Variants in ZFHX4 observed in about 807,000 individuals in gnomAD.
ZFHX4 encodes zinc finger homeobox protein 4.
ZFHX4 carries 56 observed loss-of-function variants against 267.6 expected under a neutral mutation model. The ratio of observed to expected loss-of-function variants is 0.21; its 90% CI spans 0.17 to 0.26. ZFHX4 has a LOEUF of 0.26. ZFHX4 is among the 10% of genes least tolerant of loss of function. The pLI, the probability that ZFHX4 is intolerant of heterozygous loss-of-function variation, is 1.00. For synonymous variants in ZFHX4, 1,778 were observed against 1,665.6 expected (o/e 1.07, Z -1.64); for missense variants, 4,332 against 4,420.0 (o/e 0.98, Z 0.56).
At chr8:76,740,208 G>C (rs1288241507) in intron 3 of ZFHX4, among the ~76,000 whole-genome samples, 1 of 151,880 alleles carries the variant, frequency 6.6e-6, no homozygotes, top group Non-Finnish European at 1.5e-5. Context: ...GAGAGATTCT[G>C]CTTGTTTTTT....
At position 76,865,094 on chromosome 8, in the gene ZFHX4, G is replaced by C. The variant is rs1048844470; in HGVS notation, c.*529G>C. The C allele has an allele frequency of 6.5e-6, 1 of 153,232 alleles. No individual in the cohort carries two copies. Among genetic ancestry groups the C allele is most frequent in the Admixed American group, 6.5e-5 (1 of 15,344 alleles). The allele number at this position is 153,232 out of a possible 1,614,324, so 9.5% of individuals were successfully genotyped here. On this transcript the variant is annotated 3_prime_UTR_variant, in exon 11 of 11. Coordinates refer to ENST00000651372, the MANE Select transcript of ZFHX4 (RefSeq NM_024721.5). ...AGAAAGCATTTTCTAGGTGTGTTTA[G>C]TGTACAAAGAGACTTTATAACCCTT...
At position 76,705,604 on chromosome 8, in the gene ZFHX4, A is replaced by G. The variant is rs1808237476; in HGVS notation, c.1516A>G (p.Ser506Gly). 1 of 1,613,872 alleles carries G rather than the reference A, an allele frequency of 6.2e-7. No individual in the cohort carries two copies. ...CAAAGATTTCCCTCTCTTAAACCAAAGCATTTCTCCTTTATCATCCAGTGT... is the reference window on the plus strand; with the variant it reads ...CAAAGATTTCCCTCTCTTAAACCAAGGCATTTCTCCTTTATCATCCAGTGT... ...GNKDFPLLNQ[S>G]ISPLSSSVLK... Residue 506 changes from serine (S) to glycine (G), a missense_variant, in exon 2 of 11, where the codon AGC becomes GGC. This residue lies in a region of ZFHX4 where 1,195 missense variants were observed against 1,173.6 expected (regional missense o/e 1.02). Coordinates refer to ENST00000651372, the MANE Select transcript of ZFHX4 (RefSeq NM_024721.5).
intron 4 of ZFHX4, among the ~76,000 whole-genome samples, chr8:76,822,771 A>G (rs965297605): frequency 6.6e-6 from 1 of 151,796 alleles, no homozygotes; most frequent in Non-Finnish European, 1.5e-5. Flanking sequence ...ATCTTTTGTC[A>G]TCCTTCAGTG....
chr8:76,739,024 T>C (rs879673767), intron 3 of ZFHX4, among the ~76,000 whole-genome samples: 5 of 152,094 alleles, frequency 3.3e-5, no homozygotes, highest in Non-Finnish European at 7.4e-5. Flanking sequence ...CTGCTTTTTT[T>C]CATAACTAAA....
At chr8:76,732,323 A>G (rs1809042133) in intron 3 of ZFHX4, among the ~76,000 whole-genome samples, 1 of 152,128 alleles carries the variant, frequency 6.6e-6, no homozygotes, top group African/African-American at 2.4e-5. Flanking sequence ...CTATTTTTCA[A>G]AATTGCTTGA....
chr8:76,851,151 G>T lies in ZFHX4; in HGVS notation c.4230G>T (p.Gln1410His). 9 of 1,613,962 alleles carry T rather than the reference G, an allele frequency of 5.6e-6. No homozygotes were observed. Among genetic ancestry groups the T allele is most frequent in the Non-Finnish European group, 7.6e-6 (9 of 1,179,886 alleles). Residue 1410 changes from glutamine (Q) to histidine (H), a missense_variant, in exon 10 of 11, where the codon CAG becomes CAT. Transcript: ENST00000651372. Reference protein sequence around the residue: ...NHCSLAFKTMQKLQIHSQYHA... With the variant: ...NHCSLAFKTMHKLQIHSQYHA... The stretch of plus-strand genomic sequence containing the variant: ...GTAGCTTGGCTTTCAAAACTATGCA[G>T]AAGCTTCAGATACATTCCCAGTATC...
intron 4 of ZFHX4, among the ~76,000 whole-genome samples, chr8:76,829,638 A>G (rs927694737): frequency 2.0e-5 from 3 of 152,078 alleles, no homozygotes; most frequent in African/African-American, 4.8e-5. Context: ...AAGAAACCCC[A>G]TCTCTACTAA....
intron 4 of ZFHX4, chr8:76,782,075 G>C: frequency 5.4e-6 from 2 of 373,442 alleles, no homozygotes; most frequent in Non-Finnish European, 1.1e-5. Context: ...GGTAGCCAAA[G>C]CTGGATATGA....
chr8:76,744,999 T>G (rs1012199392), intron 3 of ZFHX4, among the ~76,000 whole-genome samples: 1 of 152,218 alleles, frequency 6.6e-6, no homozygotes, highest in African/African-American at 2.4e-5. Flanking sequence ...TAGGAATTGC[T>G]GCTTTCTCCA....
At chr8:76,833,896 A>G (rs1311145984) in intron 5 of ZFHX4, among the ~76,000 whole-genome samples, 2 of 151,742 alleles carry the variant, frequency 1.3e-5, no homozygotes, top group East Asian at 3.9e-4. Flanking sequence ...CATTGTTTCC[A>G]CCTCCTTGAC....
Position 76,852,048 on chromosome 8 carries a change from T to G in ZFHX4, c.5127T>G (p.Phe1709Leu). Reference sequence around the variant, plus strand: ...AATTACAACAGCAAGCCGCATTCTTTCAGCCTCAGTTTCTAAACCCAGCCT... The same window carrying G: ...AATTACAACAGCAAGCCGCATTCTTGCAGCCTCAGTTTCTAAACCCAGCCT... ...QHELQQQAAF[F>L]QPQFLNPAFL... is the part of the protein sequence containing the mutation. Residue 1709 changes from phenylalanine to leucine, a missense_variant, in exon 10 of 11, where the codon TTT (phenylalanine) becomes TTG (leucine). Coordinates refer to ENST00000651372, the MANE Select transcript of ZFHX4 (RefSeq NM_024721.5). 1 of 1,614,050 alleles carries G rather than the reference T, an allele frequency of 6.2e-7. No homozygotes were observed. The highest frequency in any genetic ancestry group is 8.5e-7 in the Non-Finnish European group (1 of 1,179,886).
At chr8:76,813,340 A>G (rs762525532) in intron 4 of ZFHX4, among the ~76,000 whole-genome samples, 6 of 152,158 alleles carry the variant, frequency 3.9e-5, no homozygotes, top group African/African-American at 1.4e-4. Flanking sequence ...CAAGTTTATT[A>G]TAAGAAGAAA....
intron 3 of ZFHX4, among the ~76,000 whole-genome samples, chr8:76,743,639 A>C (rs1809379933): frequency 6.6e-6 from 1 of 152,186 alleles, no homozygotes; most frequent in Non-Finnish European, 1.5e-5. Context: ...CATTTTACTA[A>C]GTAGAGTTGA....
chr8:76,831,002 G>T (rs998327572), intron 4 of ZFHX4, among the ~76,000 whole-genome samples: 1 of 152,042 alleles, frequency 6.6e-6, no homozygotes, highest in Non-Finnish European at 1.5e-5. Context: ...ACAGACAAGG[G>T]TTTCATTCCA....
intron 4 of ZFHX4, among the ~76,000 whole-genome samples, chr8:76,779,449 A>G (rs943131187): frequency 2.6e-5 from 4 of 152,150 alleles, no homozygotes; most frequent in Non-Finnish European, 5.9e-5. Context: ...TCAACTGAGC[A>G]TTCTTATCTA....
At chr8:76,803,237 TGTG>T (rs1447573449) in intron 4 of ZFHX4, among the ~76,000 whole-genome samples, 5 of 151,500 alleles carry the variant, frequency 3.3e-5, no homozygotes, top group African/African-American at 9.7e-5. Context: ...AAATCAATAT[TGTG>T]TGTGTGTGCA....
chr8:76,863,323 AGAG>A lies in ZFHX4; in HGVS notation c.9615_9617del (p.Glu3206del). ...AGCCAAACAAGGTGAAAAAAATCAA[AGAG>A]GAGGAATTAGAGGCCACCAAACCCG... On this transcript the variant is annotated inframe_deletion, in exon 11 of 11. Transcript: ENST00000651372. The A allele has an allele frequency of 6.2e-7, 1 of 1,613,358 alleles. No homozygotes were observed. Among genetic ancestry groups the A allele is most frequent in the African/African-American group, 1.3e-5 (1 of 74,930 alleles).
chr8:76,734,497 G>A (rs1809106801), intron 3 of ZFHX4, among the ~76,000 whole-genome samples: 1 of 152,110 alleles, frequency 6.6e-6, no homozygotes, highest in Admixed American at 6.6e-5. Flanking sequence ...ATAGGCAGTT[G>A]ATTAGAGCAG....
chr8:76,764,894 C>G (rs1489133329), intron 3 of ZFHX4, among the ~76,000 whole-genome samples: 1 of 152,158 alleles, frequency 6.6e-6, no homozygotes, highest in African/African-American at 2.4e-5. Flanking sequence ...ACAGTAGGTT[C>G]CAGACCTAGG....
Sources: gnomAD v4.1 joint callset for allele counts (sites outside exome capture counted in the v4.1 genomes callset) on GRCh38, gnomAD v4.1.1 for gene constraint, gnomAD v4.1.1 regional missense constraint, MANE v1.5 for transcripts, NCBI Gene and HGNC (gene_info 2026-07-23, HGNC 2026-07-21) for gene names.